UGT8: variants seen among roughly 807,000 people sequenced by gnomAD.
UGT8 encodes 2-hydroxyacylsphingosine 1-beta-galactosyltransferase.
A neutral mutation model predicts 40.5 loss-of-function variants in UGT8; 12 were observed. That is an observed-to-expected ratio of 0.30 (90% CI 0.19 to 0.48). The LOEUF (loss-of-function observed/expected upper bound fraction) is 0.48, where lower values mean the gene tolerates loss of function less well. Ranked by LOEUF, UGT8 falls within the 20% of genes least tolerant of loss-of-function variation. The probability of loss-of-function intolerance (pLI) is 0.99; values close to 1 mark genes in which losing one functional copy is unlikely to be tolerated. For missense variants in UGT8, 513 were observed against 648.7 expected (o/e 0.79, Z 2.27); for synonymous variants, 224 against 240.4 (o/e 0.93, Z 0.63).
chr4:114,611,403 C>CATATATAT (rs60533468), intron 1 of UGT8, among the ~76,000 whole-genome samples: 23 of 106,254 alleles, frequency 2.2e-4, no homozygotes, highest in East Asian at 4.8e-4. Context: ...CATATATATC[C>CATATATAT]ATATATATAT....
intron 2 of UGT8, among the ~76,000 whole-genome samples, chr4:114,645,040 A>ACAGG (rs1733479635): frequency 1.7e-4 from 1 of 5,794 alleles, no homozygotes; most frequent in African/African-American, 1.8e-4. Context: ...CATGCAGTTC[A>ACAGG]CAGACAGACT....
chr4:114,632,356 G>A (rs1194286124), intron 2 of UGT8, among the ~76,000 whole-genome samples: 1 of 152,190 alleles, frequency 6.6e-6, no homozygotes, highest in Non-Finnish European at 1.5e-5. Flanking sequence ...TTTACATATA[G>A]TATTTCATTT....
At chr4:114,624,588 A>AAATAGCCACTCAAAACAAT (rs1732069027) in intron 2 of UGT8, among the ~76,000 whole-genome samples, 1 of 152,134 alleles carries the variant, frequency 6.6e-6, no homozygotes. Context: ...ATTTTGCTAA[A>AAATAGCCACTCAAAACAAT]TTGTTGATTT....
At chr4:114,635,072 C>T (rs2126108878) in intron 2 of UGT8, among the ~76,000 whole-genome samples, 1 of 150,714 alleles carries the variant, frequency 6.6e-6, no homozygotes, top group Middle Eastern at 3.5e-3. Flanking sequence ...TAGAAATAGA[C>T]TTAAGACAAG....
At chr4:114,616,751 G>A (rs886857427) in intron 1 of UGT8, among the ~76,000 whole-genome samples, 2 of 152,084 alleles carry the variant, frequency 1.3e-5, no homozygotes, top group African/African-American at 4.8e-5. Flanking sequence ...CCCATGTATG[G>A]TATTAAACTC....
intron 2 of UGT8, among the ~76,000 whole-genome samples, chr4:114,635,408 A>G (rs1276725414): frequency 6.6e-6 from 1 of 152,174 alleles, no homozygotes; most frequent in East Asian, 1.9e-4. Flanking sequence ...CAGAAAGTAC[A>G]TATTTTTCCC....
At chr4:114,616,974 T>C (rs1167512499) in intron 1 of UGT8, among the ~76,000 whole-genome samples, 2 of 152,160 alleles carry the variant, frequency 1.3e-5, no homozygotes, top group African/African-American at 4.8e-5. Flanking sequence ...TCCTTTGTGC[T>C]GTGCATGGTG....
At chr4:114,662,904 C>T (rs927129207) in intron 2 of UGT8, among the ~76,000 whole-genome samples, 1 of 139,136 alleles carries the variant, frequency 7.2e-6, no homozygotes, top group African/African-American at 2.7e-5. Context: ...TGGCTCATTG[C>T]AAGCTCCGCC....
intron 1 of UGT8, among the ~76,000 whole-genome samples, chr4:114,603,640 C>T (rs947109414): frequency 6.6e-6 from 1 of 152,048 alleles, no homozygotes; most frequent in Non-Finnish European, 1.5e-5. Flanking sequence ...TAGACAGTCT[C>T]GGTTCCCACC....
chr4:114,669,139 A>C (rs1317935946), intron 5 of UGT8, among the ~76,000 whole-genome samples: 1 of 152,190 alleles, frequency 6.6e-6, no homozygotes, highest in Non-Finnish European at 1.5e-5. Flanking sequence ...AAATTATTTC[A>C]TATAAAAGGA....
chr4:114,606,401 C>T (rs1490761766), intron 1 of UGT8, among the ~76,000 whole-genome samples: 1 of 152,054 alleles, frequency 6.6e-6, no homozygotes, highest in Non-Finnish European at 1.5e-5. Context: ...CACAGCAGGC[C>T]CTTCCTCTGG....
chr4:114,667,355 A>G (rs564245510), intron 4 of UGT8, among the ~76,000 whole-genome samples: 2 of 152,348 alleles, frequency 1.3e-5, no homozygotes, highest in East Asian at 1.9e-4. Context: ...TCTTATGCCA[A>G]CTTTTGATCC....
intron 1 of UGT8, among the ~76,000 whole-genome samples, chr4:114,599,263 G>A (rs1487712864): frequency 6.6e-6 from 1 of 152,138 alleles, no homozygotes; most frequent in African/African-American, 2.4e-5. Context: ...TATGGCATCC[G>A]TTCGAGGGTT....
chr4:114,631,102 C>T (rs755374624), intron 2 of UGT8, among the ~76,000 whole-genome samples: 3 of 152,278 alleles, frequency 2.0e-5, no homozygotes, highest in East Asian at 1.9e-4. Context: ...GGTTCAGACT[C>T]GGCAACCAAC....
chr4:114,673,444 G>T (rs148082374), intron 5 of UGT8, among the ~76,000 whole-genome samples: 32 of 152,300 alleles, frequency 2.1e-4, no homozygotes, highest in African/African-American at 7.0e-4. Context: ...GGGACTAAGA[G>T]TCTGACCGAT....
intron 2 of UGT8, among the ~76,000 whole-genome samples, chr4:114,643,253 A>C (rs534536183): frequency 6.6e-6 from 1 of 152,182 alleles, no homozygotes; most frequent in Non-Finnish European, 1.5e-5. Flanking sequence ...AGAAAGAAAT[A>C]CTATAAACAG....
chr4:114,665,987 T>C (rs1734845452), intron 4 of UGT8, among the ~76,000 whole-genome samples: 1 of 152,142 alleles, frequency 6.6e-6, no homozygotes, highest in Admixed American at 6.5e-5. Context: ...TGGGCCTCTA[T>C]ATTAAAATTT....
intron 5 of UGT8, among the ~76,000 whole-genome samples, chr4:114,672,094 G>A (rs991699753): frequency 1.3e-5 from 2 of 152,228 alleles, no homozygotes; most frequent in African/African-American, 4.8e-5. Context: ...GATCATCAGA[G>A]AAATGCAAAT....
chr4:114,664,880 T>A (rs1038434388), intron 3 of UGT8, among the ~76,000 whole-genome samples: 1 of 152,168 alleles, frequency 6.6e-6, no homozygotes, highest in Non-Finnish European at 1.5e-5. Context: ...CCATTGCAAG[T>A]AGGCTTTGAG....
Sources: allele counts gnomAD v4.1 joint callset (sites outside exome capture counted in the v4.1 genomes callset), GRCh38; gene constraint gnomAD v4.1.1; transcripts MANE v1.5; gene names NCBI Gene and HGNC (gene_info 2026-07-23, HGNC 2026-07-21).